UBXN2A: variants seen among roughly 807,000 people sequenced by gnomAD.
UBXN2A encodes the protein UBX domain protein 2A, also known as UBX domain-containing protein 2A.
A neutral mutation model predicts 28.4 loss-of-function variants in UBXN2A; 28 were observed. The ratio of observed to expected loss-of-function variants is 0.99; its 90% CI spans 0.73 to 1.35. UBXN2A has a LOEUF of 1.35. Among genes scored for constraint, UBXN2A ranks in the 40% most tolerant of loss-of-function variants. UBXN2A has a pLI of 0.00. For missense variants in UBXN2A, 253 were observed against 297.9 expected (o/e 0.85, Z 1.11); for synonymous variants, 97 against 103.6 (o/e 0.94, Z 0.39).
intron 2 of UBXN2A, among the ~76,000 whole-genome samples, chr2:23,966,692 C>G (rs938167605): frequency 6.7e-6 from 1 of 149,736 alleles, no homozygotes; most frequent in Non-Finnish European, 1.5e-5. Flanking sequence ...ACCTTGTGAT[C>G]CGCCCACCTT....
chr2:23,932,781 G>A (rs909021276), intron 1 of UBXN2A, among the ~76,000 whole-genome samples: 5 of 152,190 alleles, frequency 3.3e-5, no homozygotes, highest in Non-Finnish European at 7.3e-5. Context: ...CCATGAATAT[G>A]ATTCACAGTA....
chr2:23,943,276 G>A (rs939851606), intron 1 of UBXN2A, among the ~76,000 whole-genome samples: 4 of 151,902 alleles, frequency 2.6e-5, no homozygotes, highest in Non-Finnish European at 4.4e-5. Flanking sequence ...TCAAAAAGTC[G>A]TCCTGACTGC....
At chr2:23,989,601 A>G (rs71439107) in intron 6 of UBXN2A, among the ~76,000 whole-genome samples, 1 of 151,726 alleles carries the variant, frequency 6.6e-6, no homozygotes, top group African/African-American at 2.4e-5. Flanking sequence ...ACGTAGATAC[A>G]TCCACTTTCA....
At chr2:23,982,564 G>A (rs1707957149) in intron 4 of UBXN2A, among the ~76,000 whole-genome samples, 1 of 152,048 alleles carries the variant, frequency 6.6e-6, no homozygotes. Context: ...GGGAGTCTGA[G>A]GGAGGAAGAT....
Position 23,999,937 on chromosome 2 carries a change from G to C in UBXN2A, c.*70G>C. On this transcript the variant is annotated 3_prime_UTR_variant, in exon 7 of 7. Coordinates refer to ENST00000309033, the MANE Select transcript of UBXN2A (RefSeq NM_181713.4). ...TAAGTGGACATGCAAACCAAAATTGGGGATTGGAGAAGTCAGACTCACTAG... is the reference window on the plus strand; with the variant it reads ...TAAGTGGACATGCAAACCAAAATTGCGGATTGGAGAAGTCAGACTCACTAG... The C allele has an allele frequency of 6.6e-7, 1 of 1,518,352 alleles. No individual in the cohort carries two copies. Among genetic ancestry groups the C allele is most frequent in the Non-Finnish European group, 9.0e-7 (1 of 1,115,278 alleles). 94.1% of individuals were successfully genotyped at this position (1,518,352 alleles called of 1,614,324 possible).
intron 4 of UBXN2A, among the ~76,000 whole-genome samples, chr2:23,980,054 A>G (rs2150888262): frequency 6.6e-6 from 1 of 152,298 alleles, no homozygotes; most frequent in African/African-American, 2.4e-5. Context: ...ATCTAATTTC[A>G]GAATATCATT....
intron 5 of UBXN2A, among the ~76,000 whole-genome samples, chr2:23,983,879 T>C (rs1708016489): frequency 6.6e-6 from 1 of 152,214 alleles, no homozygotes; most frequent in Admixed American, 6.5e-5. Context: ...TTTCGCCATG[T>C]TGGCCAGGCT....
chr2:23,976,095 C>T (rs1479293865), intron 3 of UBXN2A, among the ~76,000 whole-genome samples: 1 of 152,154 alleles, frequency 6.6e-6, no homozygotes, highest in Non-Finnish European at 1.5e-5. Context: ...TTTCTACCTT[C>T]CCCCTCTCCT....
chr2:23,961,749 T>C (rs1362105843), intron 2 of UBXN2A, among the ~76,000 whole-genome samples: 2 of 151,150 alleles, frequency 1.3e-5, no homozygotes, highest in African/African-American at 2.4e-5. Context: ...GGTTTCACCA[T>C]GTTGGCCAGG....
intron 6 of UBXN2A, among the ~76,000 whole-genome samples, chr2:23,986,079 C>G (rs1455850802): frequency 2.0e-5 from 3 of 152,008 alleles, no homozygotes; most frequent in African/African-American, 7.2e-5. Flanking sequence ...GAGGCCGAGA[C>G]GGGTGGATCA....
chr2:23,934,587 A>T (rs898698662), intron 1 of UBXN2A, among the ~76,000 whole-genome samples: 1 of 152,240 alleles, frequency 6.6e-6, no homozygotes, highest in Non-Finnish European at 1.5e-5. Flanking sequence ...GAATTCAAAA[A>T]GCATTCACTG....
chr2:23,998,886 C>G (rs1388466645), intron 6 of UBXN2A, among the ~76,000 whole-genome samples: 1 of 152,182 alleles, frequency 6.6e-6, no homozygotes, highest in Non-Finnish European at 1.5e-5. Flanking sequence ...TAAGTCCACA[C>G]TCCAATCCTT....
chr2:23,973,441 C>T (rs1707509492), intron 3 of UBXN2A, among the ~76,000 whole-genome samples: 1 of 151,614 alleles, frequency 6.6e-6, no homozygotes, highest in Non-Finnish European at 1.5e-5. Context: ...CAGGTTCATG[C>T]CATTCTCCTG....
intron 2 of UBXN2A, among the ~76,000 whole-genome samples, chr2:23,963,945 A>G (rs947716414): frequency 2.6e-5 from 4 of 152,132 alleles, no homozygotes; most frequent in South Asian, 2.1e-4. Flanking sequence ...CCTTGTTGAC[A>G]TAGTGAGAAC....
At chr2:23,964,070 T>C (rs1053305024) in intron 2 of UBXN2A, among the ~76,000 whole-genome samples, 3 of 151,056 alleles carry the variant, frequency 2.0e-5, no homozygotes, top group Non-Finnish European at 2.9e-5. Flanking sequence ...AGTTCTAGGC[T>C]GCAGTGAACC....
In UBXN2A at chr2:24,004,375, G is replaced by C. The variant is rs1464949123; in HGVS notation, c.*4508G>C. The C allele has an allele frequency of 2.6e-5, 4 of 152,132 alleles. No homozygotes were observed. The highest frequency in any genetic ancestry group is 2.6e-4 in the Admixed American group (4 of 15,260). 9.4% of individuals were successfully genotyped at this position (152,132 alleles called of 1,614,324 possible). On this transcript the variant is annotated 3_prime_UTR_variant, in exon 7 of 7. Transcript: ENST00000309033. ...CTGATATATAGAAATACATATCTAG[G>C]CCAGGCACGGTGACTCATGCCTGCA...
At chr2:23,934,042 C>T (rs986393172) in intron 1 of UBXN2A, among the ~76,000 whole-genome samples, 1 of 152,004 alleles carries the variant, frequency 6.6e-6, no homozygotes, top group Non-Finnish European at 1.5e-5. Flanking sequence ...ATGGTGAAAC[C>T]CTGTCTCTAC....
intron 2 of UBXN2A, among the ~76,000 whole-genome samples, chr2:23,971,063 A>G (rs1707392936): frequency 6.6e-6 from 1 of 152,146 alleles, no homozygotes; most frequent in South Asian, 2.1e-4. Context: ...AGCATTATTC[A>G]TTTCTAAATG....
rs115547308 is a variant in UBXN2A at position 23,956,865 on chromosome 2, A to G, written c.-14-1436A>G. On this transcript the variant is annotated intron_variant, in intron 1 of 6. Coordinates refer to ENST00000309033, the MANE Select transcript of UBXN2A (RefSeq NM_181713.4). ...TGCTTCCAGGCCTTCTCAGCAGACC[A>G]GTGGTTTGGACTACACCTGTCACTT... 1.7e-3 allele frequency among the ~76,000 whole-genome samples: 253 copies of G among 152,290 alleles called. 1 individual carries two copies. Among genetic ancestry groups the G allele is most frequent in the African/African-American group, 5.8e-3 (241 of 41,566 alleles).
Sources: gnomAD v4.1 joint callset for allele counts (sites outside exome capture counted in the v4.1 genomes callset) on GRCh38, gnomAD v4.1.1 for gene constraint, MANE v1.5 for transcripts, NCBI Gene and HGNC (gene_info 2026-07-23, HGNC 2026-07-21) for gene names.